Variants in THSD7B observed in about 807,000 individuals in gnomAD.
The protein encoded by THSD7B is thrombospondin type-1 domain-containing protein 7B.
In THSD7B, 138 loss-of-function variants were observed where a neutral mutation model predicts 213.6. That is an observed-to-expected ratio of 0.65 (90% CI 0.56 to 0.74). The LOEUF (loss-of-function observed/expected upper bound fraction) is 0.74. Ranked by LOEUF, THSD7B falls within the 30% of genes least tolerant of loss-of-function variation. THSD7B has a pLI of 0.00. For synonymous variants in THSD7B, 742 were observed against 687.0 expected (o/e 1.08, Z -1.25); for missense variants, 1,931 against 1,991.5 (o/e 0.97, Z 0.58).
chr2:137,330,418 T>C (rs1684475760), intron 12 of THSD7B, among the ~76,000 whole-genome samples: 1 of 152,194 alleles, frequency 6.6e-6, no homozygotes, highest in African/African-American at 2.4e-5. Flanking sequence ...GGGTTCTTGG[T>C]CTCACTGACT....
chr2:137,407,376 T>A (rs1686548853), intron 13 of THSD7B, among the ~76,000 whole-genome samples: 1 of 152,128 alleles, frequency 6.6e-6, no homozygotes, highest in South Asian at 2.1e-4. Context: ...TTGACCTTTG[T>A]GTATCTTTAT....
chr2:136,894,842 A>G (rs1193299425), intron 2 of THSD7B, among the ~76,000 whole-genome samples: 1 of 152,140 alleles, frequency 6.6e-6, no homozygotes, highest in African/African-American at 2.4e-5. Flanking sequence ...GTCTCTAGTG[A>G]CATTCCTAAT....
intron 6 of THSD7B, among the ~76,000 whole-genome samples, chr2:137,169,353 C>T (rs569617207): frequency 3.3e-5 from 5 of 150,034 alleles, no homozygotes; most frequent in African/African-American, 1.2e-4. Flanking sequence ...TTTCTCAAAA[C>T]CACATGTTCA....
At chr2:137,497,179 A>G (rs954079769) in intron 15 of THSD7B, among the ~76,000 whole-genome samples, 2 of 145,966 alleles carry the variant, frequency 1.4e-5, no homozygotes, top group African/African-American at 5.0e-5. Context: ...TTCTACATAG[A>G]CACACATACA....
intron 2 of THSD7B, among the ~76,000 whole-genome samples, chr2:136,950,608 G>A (rs544905758): frequency 2.6e-5 from 4 of 152,112 alleles, no homozygotes; most frequent in South Asian, 2.1e-4. Flanking sequence ...GTAAATTTAC[G>A]CTTAATAATG....
At chr2:137,230,069 A>G (rs1681602945) in intron 7 of THSD7B, among the ~76,000 whole-genome samples, 1 of 152,162 alleles carries the variant, frequency 6.6e-6, no homozygotes, top group Non-Finnish European at 1.5e-5. Context: ...CTCTGTTTTT[A>G]TGAGGAGACT....
At chr2:137,119,572 T>C (rs1388912782) in intron 5 of THSD7B, among the ~76,000 whole-genome samples, 1 of 152,184 alleles carries the variant, frequency 6.6e-6, no homozygotes, top group African/African-American at 2.4e-5. Flanking sequence ...TTGTGTTCAG[T>C]AGCAGCCTGT....
At chr2:137,589,792 A>G (rs2104812010) in intron 17 of THSD7B, among the ~76,000 whole-genome samples, 1 of 152,300 alleles carries the variant, frequency 6.6e-6, no homozygotes, top group East Asian at 1.9e-4. Flanking sequence ...AGAGCTAACA[A>G]CCACCATTGC....
At chr2:137,558,212 A>G (rs1302444357) in intron 15 of THSD7B, among the ~76,000 whole-genome samples, 1 of 152,230 alleles carries the variant, frequency 6.6e-6, no homozygotes, top group Non-Finnish European at 1.5e-5. Flanking sequence ...AACTCATTTT[A>G]TGAGGCCAGC....
At position 136,928,278 on chromosome 2, in the gene THSD7B, T is replaced by G. The variant is rs138213309; in HGVS notation, c.139+45961T>G. ...ATATCTCATATAATTCACTGAACGC[T>G]GTACTAAAAATGAAAAACAGAATGG... On this transcript the variant is annotated intron_variant, in intron 2 of 27. Transcript: ENST00000409968. Among the ~76,000 whole-genome samples the G allele has an allele frequency of 2.7e-3, 413 of 152,318 alleles. 1 individual carries two copies. Among genetic ancestry groups the G allele is most frequent in the African/African-American group, 9.6e-3 (397 of 41,570 alleles).
At chr2:137,149,737 C>T (rs977338882) in intron 5 of THSD7B, among the ~76,000 whole-genome samples, 1 of 152,186 alleles carries the variant, frequency 6.6e-6, no homozygotes. Context: ...TCATTTTGGC[C>T]AATTTTTCCC....
intron 3 of THSD7B, among the ~76,000 whole-genome samples, chr2:137,076,066 T>G (rs1214421379): frequency 6.6e-6 from 1 of 152,216 alleles, no homozygotes; most frequent in African/African-American, 2.4e-5. Flanking sequence ...CTGCCCGTTC[T>G]CAGATCTCAA....
At chr2:136,901,942 A>C (rs1387930050) in intron 2 of THSD7B, among the ~76,000 whole-genome samples, 1 of 152,248 alleles carries the variant, frequency 6.6e-6, no homozygotes, top group Non-Finnish European at 1.5e-5. Flanking sequence ...TTTAATTATT[A>C]CAGAACCTAA....
chr2:137,171,003 C>G, intron 7 of THSD7B, 65 bp downstream of exon 7: 1 of 1,488,126 alleles, frequency 6.7e-7, no homozygotes, highest in Non-Finnish European at 9.2e-7. Context: ...CACATGACCA[C>G]CCTTCAATAG....
chr2:137,436,242 CATTT>C (rs1687287742), intron 14 of THSD7B, among the ~76,000 whole-genome samples: 1 of 152,028 alleles, frequency 6.6e-6, no homozygotes, highest in Admixed American at 6.6e-5. Flanking sequence ...TGGTAACTGA[CATTT>C]ATTGAGCACT....
intron 27 of THSD7B, among the ~76,000 whole-genome samples, 153 bp downstream of exon 27, chr2:137,668,014 C>T (rs907775741): frequency 6.6e-6 from 1 of 152,078 alleles, no homozygotes; most frequent in African/African-American, 2.4e-5. Flanking sequence ...AATGAGGAAT[C>T]ATTATTTTTT....
intron 1 of THSD7B, among the ~76,000 whole-genome samples, chr2:136,833,192 C>T (rs4954443): frequency 2.0e-5 from 3 of 151,670 alleles, no homozygotes; most frequent in Non-Finnish European, 4.4e-5. Context: ...GGTGAAACCC[C>T]GTCTCTACTA....
intron 5 of THSD7B, among the ~76,000 whole-genome samples, chr2:137,124,671 T>A (rs547487812): frequency 6.6e-6 from 1 of 152,304 alleles, no homozygotes; most frequent in South Asian, 2.1e-4. Flanking sequence ...GTGGAATATA[T>A]AATTGTAGTT....
At chr2:137,075,800 A>T (rs35886982) in intron 3 of THSD7B, among the ~76,000 whole-genome samples, 15,031 of 152,126 alleles carry the variant, frequency 0.099, 1,036 homozygotes, top group African/African-American at 0.19. Context: ...GTTTTCCTTC[A>T]AACAGACAGG....
Sources: allele counts gnomAD v4.1 joint callset (sites outside exome capture counted in the v4.1 genomes callset), GRCh38; gene constraint gnomAD v4.1.1; transcripts MANE v1.5; gene names NCBI Gene and HGNC (gene_info 2026-07-23, HGNC 2026-07-21).